Variants in HP1BP3 observed in about 807,000 individuals in gnomAD.
HP1BP3 encodes heterochromatin protein 1-binding protein 3.
A neutral mutation model predicts 62.5 loss-of-function variants in HP1BP3; 12 were observed. That is an observed-to-expected ratio of 0.19 (90% CI 0.12 to 0.31). The LOEUF (loss-of-function observed/expected upper bound fraction) is 0.31. Ranked by LOEUF, HP1BP3 falls within the 10% of genes least tolerant of loss-of-function variation. The pLI is 1.00. For missense variants in HP1BP3, 502 were observed against 651.8 expected, an observed-to-expected ratio of 0.77 and a Z score of 2.50; for synonymous variants, 260 against 237.8, an observed-to-expected ratio of 1.09 and a Z score of -0.86.
chr1:20,765,902 T>C (rs764584940), intron 7 of HP1BP3, among the ~76,000 whole-genome samples: 2 of 150,822 alleles, frequency 1.3e-5, no homozygotes, highest in East Asian at 2.0e-4. Context: ...GAGGTGGAGA[T>C]TGCAGTGATG....
intron 5 of HP1BP3, among the ~76,000 whole-genome samples, chr1:20,771,319 A>G (rs1210555004): frequency 6.6e-6 from 1 of 152,216 alleles, no homozygotes; most frequent in Non-Finnish European, 1.5e-5. Context: ...ACAACATTCT[A>G]TGTATAATGA....
chr1:20,760,455 C>G (rs890077957), intron 8 of HP1BP3, among the ~76,000 whole-genome samples: 1 of 151,840 alleles, frequency 6.6e-6, no homozygotes, highest in East Asian at 1.9e-4. Flanking sequence ...GTGGGAGGAT[C>G]GTTTGAGCCT....
At chr1:20,777,132 G>A (rs1042000044) in intron 3 of HP1BP3, among the ~76,000 whole-genome samples, 1 of 152,062 alleles carries the variant, frequency 6.6e-6, no homozygotes, top group Admixed American at 6.6e-5. Flanking sequence ...TTCTCCAAGA[G>A]GAATGACTGA....
chr1:20,767,760 G>A (rs1192891166), intron 6 of HP1BP3, 96 bp from the exon 7 acceptor site: 3 of 726,924 alleles, frequency 4.1e-6, no homozygotes, highest in East Asian at 2.7e-5. Flanking sequence ...AATGTAAAGT[G>A]GTGTTTACTT....
chr1:20,784,745 G>A (rs999025659), intron 1 of HP1BP3, among the ~76,000 whole-genome samples: 48 of 152,102 alleles, frequency 3.2e-4, no homozygotes, highest in Middle Eastern at 3.4e-3. Flanking sequence ...CAAAGGGCTG[G>A]GATTACAGGC....
chr1:20,764,348 T>A (rs777837689), intron 8 of HP1BP3, among the ~76,000 whole-genome samples: 12 of 151,624 alleles, frequency 7.9e-5, no homozygotes, highest in Non-Finnish European at 1.5e-4. Flanking sequence ...TTTACTCTTA[T>A]GGTTTTTTTT....
chr1:20,755,898 T>C (rs897809904), intron 9 of HP1BP3, among the ~76,000 whole-genome samples: 7 of 152,122 alleles, frequency 4.6e-5, no homozygotes, highest in African/African-American at 1.7e-4. Flanking sequence ...AAAGATCATA[T>C]AGTACATGAT....
At chr1:20,771,143 A>T in intron 5 of HP1BP3, 70 bp from the exon 6 acceptor site, 3 of 1,302,006 alleles carry the variant, frequency 2.3e-6, no homozygotes, top group Non-Finnish European at 3.2e-6. Flanking sequence ...TTCAAAATAA[A>T]TTATTTTGGA....
At chr1:20,772,979 A>C (rs1570649761) in intron 5 of HP1BP3, among the ~76,000 whole-genome samples, 1 of 152,346 alleles carries the variant, frequency 6.6e-6, no homozygotes, top group East Asian at 1.9e-4. Flanking sequence ...ACCACTACCA[A>C]GATCACTTAG....
chr1:20,745,694 T>C (rs746849106), intron 11 of HP1BP3, 38 bp from the exon 12 acceptor site: 5 of 1,606,148 alleles, frequency 3.1e-6, no homozygotes, highest in South Asian at 2.2e-5. Flanking sequence ...ACAAGTCCCA[T>C]ATAAAACAAG....
At chr1:20,760,456 G>A (rs1170839145) in intron 8 of HP1BP3, among the ~76,000 whole-genome samples, 2 of 151,934 alleles carry the variant, frequency 1.3e-5, no homozygotes, top group Admixed American at 6.6e-5. Context: ...TGGGAGGATC[G>A]TTTGAGCCTA....
intron 4 of HP1BP3, 200 bp downstream of exon 4, chr1:20,776,397 A>T (rs1224955848): frequency 9.9e-6 from 5 of 506,448 alleles, no homozygotes; most frequent in South Asian, 6.9e-5. Flanking sequence ...TATTCAAACC[A>T]TTGTGTTCTG....
At chr1:20,760,989 C>T (rs2056435611) in intron 8 of HP1BP3, among the ~76,000 whole-genome samples, 2 of 152,178 alleles carry the variant, frequency 1.3e-5, no homozygotes, top group South Asian at 4.2e-4. Flanking sequence ...TGATGGTGGC[C>T]TGGAAGAGAA....
intron 1 of HP1BP3, among the ~76,000 whole-genome samples, chr1:20,783,865 T>C (rs1043444420): frequency 6.6e-6 from 1 of 152,088 alleles, no homozygotes; most frequent in Non-Finnish European, 1.5e-5. Context: ...CTTCAATCTG[T>C]AGTACCTGCT....
Position 20,741,949 on chromosome 1 carries a change from G to C in HP1BP3, c.*2848C>G, listed in dbSNP as rs1316073022. 1.3e-5 allele frequency among the ~76,000 whole-genome samples: 2 copies of C among 152,216 alleles called. No individual in the cohort carries two copies. The highest frequency in any genetic ancestry group is 2.9e-5 in the Non-Finnish European group (2 of 68,032). On this transcript the variant is annotated 3_prime_UTR_variant, in exon 13 of 13. Coordinates refer to ENST00000438032, the MANE Select transcript of HP1BP3 (RefSeq NM_001372052.1). ...ATTCTTTTATCTCAATGTAAGTAAG[G>C]CGTATGTCTTTGACAGTTGTGGATG...
chr1:20,746,778 G>A (rs1189613483), intron 11 of HP1BP3, among the ~76,000 whole-genome samples: 2 of 152,314 alleles, frequency 1.3e-5, no homozygotes. Flanking sequence ...CACTTTGGGA[G>A]GCTGAGGCGA....
At chr1:20,748,123 T>C (rs1475356136) in intron 10 of HP1BP3, among the ~76,000 whole-genome samples, 2 of 151,220 alleles carry the variant, frequency 1.3e-5, no homozygotes, top group African/African-American at 4.9e-5. Context: ...TCAAAGTAGT[T>C]AAGTGACTTG....
chr1:20,774,165 T>C (rs1239199523), intron 4 of HP1BP3: 1 of 152,246 alleles, frequency 6.6e-6, no homozygotes, highest in Non-Finnish European at 1.5e-5. Flanking sequence ...ATTCTGAGTA[T>C]ATAACAGTAC....
intron 9 of HP1BP3, chr1:20,750,379 A>AC: frequency 1.8e-5 from 2 of 108,212 alleles, no homozygotes; most frequent in East Asian, 4.5e-4. Flanking sequence ...ACACACACAC[A>AC]AAATAGCCAG....
Sources: gnomAD v4.1 joint callset for allele counts (sites outside exome capture counted in the v4.1 genomes callset) on GRCh38, gnomAD v4.1.1 for gene constraint, MANE v1.5 for transcripts, NCBI Gene and HGNC (gene_info 2026-07-23, HGNC 2026-07-21) for gene names.